CFAP46: variants seen among roughly 807,000 people sequenced by gnomAD.
CFAP46 encodes the protein cilia and flagella associated protein 46.
A neutral mutation model predicts 325.7 loss-of-function variants in CFAP46; 245 were observed. The observed-to-expected ratio is 0.75, with a 90% CI of 0.68 to 0.84. The LOEUF is 0.84. Among genes scored for constraint, CFAP46 ranks in the 40% least tolerant of loss-of-function variants. CFAP46 has a pLI of 0.00. For missense variants in CFAP46, 3,346 were observed against 3,543.0 expected (o/e 0.94, Z 1.41); for synonymous variants, 1,523 against 1,495.9 (o/e 1.02, Z -0.42).
chr10:132,881,375 G>T (rs927865308), intron 27 of CFAP46, among the ~76,000 whole-genome samples: 1 of 152,152 alleles, frequency 6.6e-6, no homozygotes, highest in South Asian at 2.1e-4. Flanking sequence ...TCCTGCTGTC[G>T]CTCTGTCTGC....
At chr10:132,912,613 C>A in intron 19 of CFAP46, 42 bp downstream of exon 19, 1 of 515,806 alleles carries the variant, frequency 1.9e-6, no homozygotes, top group South Asian at 3.8e-5. Context: ...TCCTCTCTCT[C>A]TCTCTCTCTC....
chr10:132,911,693 C>T (rs1174775125), intron 19 of CFAP46, among the ~76,000 whole-genome samples: 4 of 152,238 alleles, frequency 2.6e-5, no homozygotes, highest in Non-Finnish European at 5.9e-5. Context: ...TGGATTACAA[C>T]AAAATCCACA....
intron 29 of CFAP46, 131 bp from the exon 30 acceptor site, chr10:132,878,218 G>A (rs934334351): frequency 1.2e-6 from 1 of 863,642 alleles, no homozygotes; most frequent in Non-Finnish European, 1.8e-6. Flanking sequence ...TGGTGGTCTT[G>A]CGTCCCCGTC....
At chr10:132,933,342 G>C (rs942919756) in intron 8 of CFAP46, among the ~76,000 whole-genome samples, 7 of 152,224 alleles carry the variant, frequency 4.6e-5, no homozygotes, top group Admixed American at 1.3e-4. Flanking sequence ...ATCCGTAAAA[G>C]TGCCTGAGAA....
chr10:132,846,024 G>C, intron 44 of CFAP46, 33 bp downstream of exon 44: 4 of 1,585,658 alleles, frequency 2.5e-6, no homozygotes, highest in Non-Finnish European at 3.4e-6. Context: ...TCCAGAGCTG[G>C]GGGCAGGTTC....
At chr10:132,815,040 A>C in intron 50 of CFAP46, 126 bp from the exon 51 acceptor site, 4 of 877,756 alleles carry the variant, frequency 4.6e-6, no homozygotes, top group Non-Finnish European at 3.6e-6. Context: ...AGTTGTGAGA[A>C]CAAGCGGTTT....
chr10:132,897,014 A>G (rs1849329328), intron 24 of CFAP46, among the ~76,000 whole-genome samples: 1 of 152,274 alleles, frequency 6.6e-6, no homozygotes, highest in African/African-American at 2.4e-5. Context: ...CACTAGGGAA[A>G]GCACAGTCTC....
rs371770142 is a variant in CFAP46 at position 132,847,182 on chromosome 10, C to T, written c.6087+5G>A. ...CCACACGAGGGGCAGGAGGGGCAGC[C>T]GCACCTTCAGGTCCTCGCCTCTCCT... On this transcript the variant is annotated splice_donor_5th_base_variant and intron_variant, in intron 42 of 57. Transcript: ENST00000368586. This position sits in a 1 kb window ranked among gnomAD's most constrained non-coding sequence, Gnocchi z 5.2. 88 of 1,610,468 alleles carry T rather than the reference C, an allele frequency of 5.5e-5. No individual in the cohort carries two copies. In the African/African-American group the frequency reaches 6.9e-4, roughly 13 times the overall value.
chr10:132,936,508 C>T (rs1389274835), intron 7 of CFAP46, among the ~76,000 whole-genome samples: 2 of 145,344 alleles, frequency 1.4e-5, no homozygotes, highest in Non-Finnish European at 3.0e-5. Flanking sequence ...TCACTCCCCT[C>T]GGCCCCCAAA....
chr10:132,893,742 T>C (rs1009500022), intron 24 of CFAP46, among the ~76,000 whole-genome samples: 1 of 152,264 alleles, frequency 6.6e-6, no homozygotes, highest in Non-Finnish European at 1.5e-5. Flanking sequence ...GTGTACTTTC[T>C]TTCCTGTTCT....
intron 50 of CFAP46, among the ~76,000 whole-genome samples, chr10:132,824,615 C>T (rs1434612129): frequency 9.2e-5 from 6 of 65,086 alleles, no homozygotes; most frequent in Non-Finnish European, 1.4e-4. Flanking sequence ...GTGCTGTGTG[C>T]GCTGATGTGT....
intron 3 of CFAP46, 79 bp downstream of exon 3, chr10:132,941,512 C>A (rs1039620354): frequency 1.6e-5 from 25 of 1,525,954 alleles, no homozygotes; most frequent in Non-Finnish European, 2.2e-5. Context: ...CGATTTTAAG[C>A]CTGGTCTAGC....
At chr10:132,910,668 C>T (rs1299198514) in intron 19 of CFAP46, among the ~76,000 whole-genome samples, 1 of 152,164 alleles carries the variant, frequency 6.6e-6, no homozygotes, top group African/African-American at 2.4e-5. Context: ...CACTGGCCAC[C>T]GGGAGTGACC....
chr10:132,922,305 T>C (rs1327171415), intron 12 of CFAP46, 81 bp from the exon 13 acceptor site: 3 of 1,499,740 alleles, frequency 2.0e-6, no homozygotes, highest in Non-Finnish European at 2.7e-6. Context: ...CCTCCTGGCC[T>C]TTGGCAGGGG....
At chr10:132,839,091 T>A (rs1312700145) in intron 44 of CFAP46, among the ~76,000 whole-genome samples, 1 of 152,240 alleles carries the variant, frequency 6.6e-6, no homozygotes, top group East Asian at 1.9e-4. Flanking sequence ...ACACCCTTCA[T>A]CCATGTGGGA....
At position 132,868,927 on chromosome 10, in the gene CFAP46, G is replaced by A. The variant is rs188163203; in HGVS notation, c.4610+347C>T. Among the ~76,000 whole-genome samples, 151 of 152,340 alleles carry A rather than the reference G, an allele frequency of 9.9e-4. 1 individual carries two copies. The highest frequency in any genetic ancestry group is 3.3e-3 in the African/African-American group (137 of 41,572). The stretch of plus-strand genomic sequence containing the variant: ...AGTGAACTCCTGCCTGAAGGCTGCC[G>A]GAGACGGGAGTGGCCTGACCGAGCA... On this transcript the variant is annotated intron_variant, in intron 33 of 57. Coordinates refer to ENST00000368586, the MANE Select transcript of CFAP46 (RefSeq NM_001200049.3).
chr10:132,856,613 A>C lies in CFAP46; in HGVS notation c.5574+977T>G, dbSNP rs183541814. Among the ~76,000 whole-genome samples the C allele has an allele frequency of 8.6e-4, 131 of 152,108 alleles. 1 individual carries two copies. The highest frequency in any genetic ancestry group is 3.0e-3 in the African/African-American group (125 of 41,502). ...ATTCACCCCACCTGGTGCCTTCTTCATCTCCTGTGTTGTGGTTTTCACCCT... is the reference window on the plus strand; with the variant it reads ...ATTCACCCCACCTGGTGCCTTCTTCCTCTCCTGTGTTGTGGTTTTCACCCT... On this transcript the variant is annotated intron_variant, in intron 39 of 57. Coordinates refer to ENST00000368586, the MANE Select transcript of CFAP46 (RefSeq NM_001200049.3).
chr10:132,931,070 CTCT>C (rs1849892235), intron 8 of CFAP46, among the ~76,000 whole-genome samples: 1 of 96,396 alleles, frequency 1.0e-5, no homozygotes. Context: ...GGCCTCCCTC[CTCT>C]CCACACAGAG....
chr10:132,881,098 A>T, intron 27 of CFAP46, 66 bp from the exon 28 acceptor site: 1 of 1,399,940 alleles, frequency 7.1e-7, no homozygotes, highest in Non-Finnish European at 9.9e-7. Flanking sequence ...GACGCAGTGG[A>T]ATACTTTTAT....
Sources: allele counts gnomAD v4.1 joint callset (sites outside exome capture counted in the v4.1 genomes callset), GRCh38; gene constraint gnomAD v4.1.1; non-coding constraint Gnocchi (gnomAD v3.1); transcripts MANE v1.5; gene names NCBI Gene and HGNC (gene_info 2026-07-23, HGNC 2026-07-21).